Variants in CDC37 observed in about 807,000 individuals in gnomAD.
CDC37 encodes the protein hsp90 co-chaperone Cdc37.
In CDC37, 9 loss-of-function variants were observed where a neutral mutation model predicts 46.9. The observed-to-expected ratio is 0.19, with a 90% confidence interval of 0.12 to 0.33. The LOEUF is 0.33. CDC37 is among the 10% of genes least tolerant of loss of function. CDC37 has a pLI of 1.00. For missense variants in CDC37, 388 were observed against 514.6 expected (o/e 0.75, Z 2.38); for synonymous variants, 193 against 191.0 (o/e 1.01, Z -0.09).
intron 2 of CDC37, 123 bp downstream of exon 2, chr19:10,395,805 C>T: frequency 9.6e-7 from 1 of 1,041,208 alleles, no homozygotes. Context: ...TCCCCGCCCC[C>T]CACCACACTC....
At chr19:10,391,772 C>A in intron 7 of CDC37, 66 bp from the exon 8 acceptor site, 1 of 1,527,826 alleles carries the variant, frequency 6.5e-7, no homozygotes, top group Non-Finnish European at 9.0e-7. Flanking sequence ...TCCCCGTTGT[C>A]CCTTGCACAT....
rs1221882960 is a variant in CDC37, at chr19:10,393,746, TC to T, written c.727-306del. Reference sequence around the variant, plus strand: ...CTCCCAGCCTGCCTTGTCCTTGGTCTCCCTAATCTCGGTAAGGATAGCCCTG... The same window carrying T: ...CTCCCAGCCTGCCTTGTCCTTGGTCTCCTAATCTCGGTAAGGATAGCCCTG... On this transcript the variant is annotated intron_variant, in intron 5 of 7. Transcript: ENST00000222005. This position sits in a 1 kb window ranked among gnomAD's most constrained non-coding sequence, Gnocchi z 4.9. The T allele has an allele frequency of 8.6e-6, 3 of 348,026 alleles. No individual in the cohort carries two copies. The East Asian group carries it at 1.5e-4, about 17-fold the overall frequency. 21.6% of individuals were successfully genotyped at this position (348,026 alleles called of 1,614,324 possible). A position where few individuals can be genotyped will look rare whatever the true frequency, so the allele number is the denominator to read the frequency against.
Position 10,393,013 on chromosome 19 carries a change from CAG to C in CDC37, c.981+71_981+72del, listed in dbSNP as rs1401378736. The C allele has an allele frequency of 7.1e-7, 1 of 1,404,938 alleles. No individual in the cohort carries two copies. The highest frequency in any genetic ancestry group is 1.0e-6 in the Non-Finnish European group (1 of 990,862). 87.0% of individuals were successfully genotyped at this position (1,404,938 alleles called of 1,614,324 possible). ...GAGGGGCACTTTCACCAGCCGGCTT[CAG>C]AGACTTGGGACACAGGGCTGGGGGA... is the stretch of plus-strand genomic sequence containing the variant. On this transcript the variant is annotated intron_variant, in intron 7 of 7. Coordinates refer to ENST00000222005, the MANE Select transcript of CDC37 (RefSeq NM_007065.4). The surrounding 1 kb of genome is among the most constrained non-coding windows in gnomAD (Gnocchi z 4.9).
At chr19:10,403,336 G>C (rs1222920269) in intron 1 of CDC37, 42 bp downstream of exon 1, 7 of 1,460,642 alleles carry the variant, frequency 4.8e-6, no homozygotes, top group Non-Finnish European at 5.7e-6. Context: ...ACTCCGAAGC[G>C]GGGTCCGGGA....
intron 5 of CDC37, among the ~76,000 whole-genome samples, chr19:10,394,454 C>T (rs1442340610): frequency 1.3e-5 from 2 of 152,166 alleles, no homozygotes; most frequent in African/African-American, 2.4e-5. Flanking sequence ...ATCCTCCTGC[C>T]TCAGCCTCCC....
rs565380241 is a variant in CDC37, at chr19:10,397,254, G to T, written c.103-1051C>A. 1.3e-3 allele frequency among the ~76,000 whole-genome samples: 195 copies of T among 148,538 alleles called. 1 individual carries two copies. In the Middle Eastern group the frequency reaches 0.044, roughly 34 times the overall value. On this transcript the variant is annotated intron_variant, in intron 1 of 7. Coordinates refer to ENST00000222005, the MANE Select transcript of CDC37 (RefSeq NM_007065.4). ...TCAGCAAATGCTTGTTTTTTTTTTT[G>T]TTTTTATTTTGTTCAGTTTTGTTTG... is the stretch of plus-strand genomic sequence containing the variant.
rs1473671344 is a variant in CDC37, at chr19:10,395,905, C to A, written c.378+23G>T. On this transcript the variant is annotated intron_variant, in intron 2 of 7. Transcript: ENST00000222005. ...GCTCTCTGGCTGCGCATGCGCACTG[C>A]CCGCCCCGCCCGCCCCGCACACCTT... 45 of 499,748 alleles carry A rather than the reference C, an allele frequency of 9.0e-5. 1 individual carries two copies. The highest frequency in any genetic ancestry group is 1.3e-4 in the South Asian group (9 of 66,756). The allele number at this position is 499,748 out of a possible 1,614,324, so 31.0% of individuals were successfully genotyped here.
Position 10,393,334 on chromosome 19 carries a change from G to A in CDC37, c.834C>T (p.Tyr278=), listed in dbSNP as rs1022101507. The part of the protein sequence containing the change: ...KLRIEKAMKE[Y]EEEERKKRLG... ...GCCGCTTCTTGCGCTCCTCCTCCTC[G>A]TACTCCTTCATGGCCTTCTCGATGC... Residue 278 remains tyrosine, a synonymous_variant, in exon 6 of 8, where the codon TAC becomes TAT. Coordinates refer to ENST00000222005, the MANE Select transcript of CDC37 (RefSeq NM_007065.4). This position sits in a 1 kb window ranked among gnomAD's most constrained non-coding sequence, Gnocchi z 4.9. The A allele has an allele frequency of 6.8e-6, 11 of 1,613,804 alleles. No individual in the cohort carries two copies. The highest frequency in any genetic ancestry group is 6.7e-5 in the African/African-American group (5 of 74,846).
rs529788527 is a variant in CDC37, at chr19:10,393,583, A to G, written c.727-142T>C. ...CCTGACCTACATGAAGGGCTCCCCA[A>G]GGCCTGGGCTCCCCCGCCGGGGACC... On this transcript the variant is annotated intron_variant, in intron 5 of 7. Transcript: ENST00000222005. This position sits in a 1 kb window ranked among gnomAD's most constrained non-coding sequence, Gnocchi z 4.9. 201 of 837,210 alleles carry G rather than the reference A, an allele frequency of 2.4e-4. 1 individual carries two copies. In the African/African-American group the frequency reaches 3.0e-3, roughly 12 times the overall value. 51.9% of individuals were successfully genotyped at this position (837,210 alleles called of 1,614,324 possible).
intron 1 of CDC37, among the ~76,000 whole-genome samples, chr19:10,400,371 G>C (rs894895216): frequency 6.6e-6 from 1 of 152,140 alleles, no homozygotes; most frequent in African/African-American, 2.4e-5. Flanking sequence ...TCATTTGTCC[G>C]CTTCTGGAAA....
chr19:10,402,157 C>CAAAAAAAAAAAAAAAAA (rs753021871), intron 1 of CDC37, among the ~76,000 whole-genome samples: 2 of 63,838 alleles, frequency 3.1e-5, no homozygotes, highest in African/African-American at 1.3e-4. Context: ...AACTTCGTCT[C>CAAAAAAAAAAAAAAAAA]AAAAAAAAAA....
intron 1 of CDC37, among the ~76,000 whole-genome samples, chr19:10,399,767 T>C (rs1415266027): frequency 6.6e-6 from 1 of 150,492 alleles, no homozygotes; most frequent in Non-Finnish European, 1.5e-5. Flanking sequence ...CCATCTCTAC[T>C]TAAAAAATAC....
chr19:10,395,719 G>A, intron 2 of CDC37, 176 bp from the exon 3 acceptor site: 1 of 745,206 alleles, frequency 1.3e-6, no homozygotes, highest in Non-Finnish European at 2.2e-6. Context: ...CAGAGGAGGG[G>A]ACCGGTGGGG....
intron 1 of CDC37, chr19:10,400,517 G>C (rs2145420722): frequency 6.6e-6 from 1 of 152,270 alleles, no homozygotes; most frequent in South Asian, 2.1e-4. Context: ...TGGGCAACAT[G>C]GTGAAACCCT....
rs922653084 is a variant in CDC37, at chr19:10,395,780, C to T, written c.378+148G>A. On this transcript the variant is annotated intron_variant, in intron 2 of 7. Transcript: ENST00000222005. The stretch of plus-strand genomic sequence containing the variant: ...CCTGTCCCCCCTCCCACGTGGCCCC[C>T]GTCCATCCCTCAGCTCCCCGCCCCC... 2.2e-5 allele frequency: 12 copies of T among 534,438 alleles called. No individual in the cohort carries two copies. The African/African-American group carries it at 2.3e-4, about 10-fold the overall frequency. 33.1% of individuals were successfully genotyped at this position (534,438 alleles called of 1,614,324 possible).
intron 1 of CDC37, chr19:10,400,451 C>T (rs1031908553): frequency 1.3e-5 from 2 of 152,168 alleles, no homozygotes; most frequent in East Asian, 3.8e-4. Context: ...ACAATCCCAG[C>T]ACTTTGTGAG....
In CDC37 at chr19:10,393,736, G is replaced by A. The variant is rs2042471711; in HGVS notation, c.727-295C>T. On this transcript the variant is annotated intron_variant, in intron 5 of 7. Coordinates refer to ENST00000222005, the MANE Select transcript of CDC37 (RefSeq NM_007065.4). The surrounding 1 kb of genome is among the most constrained non-coding windows in gnomAD (Gnocchi z 4.9). ...ACATGGCCACCTCCCAGCCTGCCTT[G>A]TCCTTGGTCTCCCTAATCTCGGTAA... The A allele has an allele frequency of 2.6e-6, 1 of 380,866 alleles. No homozygotes were observed. The highest frequency in any genetic ancestry group is 4.3e-5 in the East Asian group (1 of 23,246). 23.6% of individuals were successfully genotyped at this position (380,866 alleles called of 1,614,324 possible).
At chr19:10,391,871 C>T (rs1324307532) in intron 7 of CDC37, among the ~76,000 whole-genome samples, 165 bp from the exon 8 acceptor site, 1 of 152,244 alleles carries the variant, frequency 6.6e-6, no homozygotes, top group Non-Finnish European at 1.5e-5. Flanking sequence ...GTGGTGCAAT[C>T]TCGGTTCACT....
intron 1 of CDC37, among the ~76,000 whole-genome samples, chr19:10,399,695 G>A (rs1051805582): frequency 6.6e-6 from 1 of 151,230 alleles, no homozygotes; most frequent in East Asian, 2.0e-4. Context: ...CACTTTGGGA[G>A]GCCAGGCGGG....
Sources: allele counts gnomAD v4.1 joint callset (sites outside exome capture counted in the v4.1 genomes callset), GRCh38; gene constraint gnomAD v4.1.1; non-coding constraint Gnocchi (gnomAD v3.1); transcripts MANE v1.5; gene names NCBI Gene and HGNC (gene_info 2026-07-23, HGNC 2026-07-21).